Variants in EDN1 observed in about 807,000 individuals in gnomAD.
EDN1 encodes endothelin 1.
Under a neutral mutation model 21.7 loss-of-function variants are expected in EDN1, and 11 were observed. The ratio of observed to expected loss-of-function variants is 0.51; its 90% CI spans 0.32 to 0.84. The LOEUF (loss-of-function observed/expected upper bound fraction) is 0.84. EDN1 is among the 40% of genes least tolerant of loss of function. EDN1 has a pLI of 0.03. For synonymous variants in EDN1, 85 were observed against 90.6 expected, an observed-to-expected ratio of 0.94 and a Z score of 0.35; for missense variants, 244 against 262.3, an observed-to-expected ratio of 0.93 and a Z score of 0.48.
chr6:12,259,283 A>C, the EDN1 span, among the ~76,000 whole-genome samples: 5 of 151,890 alleles, frequency 3.3e-5, no homozygotes, highest in African/African-American at 1.2e-4. Context: ...GGAAACCTAT[A>C]AGCATCAACT....
At chr6:12,290,336 A>T (rs2113792119), upstream of EDN1, 3 of 461,984 alleles carry the variant, frequency 6.5e-6, no homozygotes, top group East Asian at 1.3e-4. Context: ...TCAATATAAA[A>T]AGCCGGCAGA....
the EDN1 span, among the ~76,000 whole-genome samples, chr6:12,239,736 T>C: frequency 6.6e-6 from 1 of 151,934 alleles, no homozygotes; most frequent in African/African-American, 2.4e-5. Context: ...TAGGGAGACC[T>C]GGTCTCTACA....
At chr6:12,253,525 GA>G in the EDN1 span, among the ~76,000 whole-genome samples, 1 of 152,034 alleles carries the variant, frequency 6.6e-6, no homozygotes, top group Non-Finnish European at 1.5e-5. Flanking sequence ...AAAAGTGAGT[GA>G]AAAAGGGATA....
the EDN1 span, among the ~76,000 whole-genome samples, chr6:12,280,685 A>G: frequency 6.6e-6 from 1 of 152,198 alleles, no homozygotes; most frequent in Non-Finnish European, 1.5e-5. Flanking sequence ...GCCTGAGGTC[A>G]GGAGTTGGAG....
the EDN1 span, among the ~76,000 whole-genome samples, chr6:12,258,778 C>T: frequency 6.6e-6 from 1 of 152,144 alleles, no homozygotes; most frequent in Non-Finnish European, 1.5e-5. Flanking sequence ...CTGACAACAT[C>T]TCTATCTCTA....
chr6:12,278,071 C>T, the EDN1 span, among the ~76,000 whole-genome samples: 19 of 152,122 alleles, frequency 1.2e-4, no homozygotes, highest in Non-Finnish European at 2.8e-4. Flanking sequence ...TCTAAGAAAT[C>T]GTTTACTGGA....
chr6:12,264,966 C>A, the EDN1 span, among the ~76,000 whole-genome samples: 2 of 152,200 alleles, frequency 1.3e-5, no homozygotes, highest in Non-Finnish European at 2.9e-5. Flanking sequence ...ATATCCTCCA[C>A]TTTGCTGTTC....
At chr6:12,235,751 G>A in the EDN1 span, among the ~76,000 whole-genome samples, 1 of 152,202 alleles carries the variant, frequency 6.6e-6, no homozygotes, top group African/African-American at 2.4e-5. Context: ...AGTGGCCATA[G>A]GTGACTATTG....
the EDN1 span, among the ~76,000 whole-genome samples, chr6:12,231,992 T>G: frequency 1.4e-4 from 21 of 151,034 alleles, no homozygotes; most frequent in East Asian, 1.7e-3. Flanking sequence ...AGCATTCAGA[T>G]TAAATAAAAG....
chr6:12,253,997 C>G, the EDN1 span, among the ~76,000 whole-genome samples: 93 of 152,148 alleles, frequency 6.1e-4, no homozygotes, highest in Non-Finnish European at 1.0e-3. Flanking sequence ...CCTCAACCCT[C>G]TAACTGGTTC....
the EDN1 span, among the ~76,000 whole-genome samples, chr6:12,251,090 T>C: frequency 5.9e-5 from 9 of 152,372 alleles, no homozygotes; most frequent in South Asian, 1.0e-3. Flanking sequence ...CCTTAGCTGC[T>C]GTACCTAGGG....
chr6:12,266,235 G>C, the EDN1 span, among the ~76,000 whole-genome samples: 3 of 152,186 alleles, frequency 2.0e-5, no homozygotes, highest in African/African-American at 7.2e-5. Context: ...AAGGAAGAAA[G>C]AGGAGCTAAT....
chr6:12,253,735 A>G, the EDN1 span, among the ~76,000 whole-genome samples: 3 of 152,182 alleles, frequency 2.0e-5, no homozygotes, highest in African/African-American at 7.2e-5. Context: ...TTCAAAGTCC[A>G]TCTTCTTATT....
At chr6:12,236,964 A>C in the EDN1 span, among the ~76,000 whole-genome samples, 3 of 148,070 alleles carry the variant, frequency 2.0e-5, no homozygotes, top group South Asian at 2.2e-4. Context: ...TCCTAATGCT[A>C]TCCCTTCCCC....
the EDN1 span, among the ~76,000 whole-genome samples, chr6:12,276,230 T>C: frequency 6.7e-6 from 1 of 150,130 alleles, no homozygotes. Context: ...CCCAAAGATG[T>C]TGGTAGTTTC....
chr6:12,251,816 C>T, the EDN1 span, among the ~76,000 whole-genome samples: 3 of 152,194 alleles, frequency 2.0e-5, no homozygotes, highest in African/African-American at 4.8e-5. Flanking sequence ...ACTGTGCGTG[C>T]CTGAGGGTCT....
At chr6:12,287,734 A>T (rs1314599872), upstream of EDN1, among the ~76,000 whole-genome samples, 11 of 149,300 alleles carry the variant, frequency 7.4e-5, no homozygotes, top group African/African-American at 2.2e-4. Context: ...ACACACACAC[A>T]CACACACACA....
At chr6:12,250,004 T>A in the EDN1 span, among the ~76,000 whole-genome samples, 1 of 152,078 alleles carries the variant, frequency 6.6e-6, no homozygotes. Flanking sequence ...TTTTGGCATA[T>A]GTGGAAATGT....
At chr6:12,231,366 C>T in the EDN1 span, among the ~76,000 whole-genome samples, 1 of 152,142 alleles carries the variant, frequency 6.6e-6, no homozygotes, top group East Asian at 1.9e-4. Flanking sequence ...AAAGCATCAA[C>T]TTAAAGGAAT....
Sources: allele counts gnomAD v4.1 joint callset (sites outside exome capture counted in the v4.1 genomes callset), GRCh38; gene constraint gnomAD v4.1.1; transcripts MANE v1.5; gene names NCBI Gene and HGNC (gene_info 2026-07-23, HGNC 2026-07-21).